Variants in TENM1 observed in about 807,000 individuals in gnomAD.
TENM1 encodes teneurin-1.
A neutral mutation model predicts 174.8 loss-of-function variants in TENM1; 35 were observed. The observed-to-expected ratio is 0.20, with a 90% CI of 0.15 to 0.27. The LOEUF is 0.27. Ranked by LOEUF, TENM1 falls within the 10% of genes least tolerant of loss-of-function variation. The probability of loss-of-function intolerance (pLI) is 1.00; values close to 1 mark genes in which losing one functional copy is unlikely to be tolerated. For synonymous variants in TENM1, 781 were observed against 798.7 expected (o/e 0.98, Z 0.37); for missense variants, 1,633 against 2,130.1 (o/e 0.77, Z 4.59).
intron 5 of TENM1, among the ~76,000 whole-genome samples, chrX:124,676,864 C>CAAAAAAAAAA (rs57417124): frequency 1.8e-5 from 1 of 57,117 alleles, no homozygotes. Flanking sequence ...CTCATTGACT[C>CAAAAAAAAAA]AAAAAAAAAA....
intron 1 of TENM1, among the ~76,000 whole-genome samples, chrX:124,931,408 T>C (rs1282961962): frequency 9.0e-6 from 1 of 110,918 alleles, no homozygotes; most frequent in African/African-American, 3.3e-5. Flanking sequence ...AAAAGAGAGT[T>C]ACCTGGGGAG....
chrX:124,569,420 T>C (rs2049009625), intron 11 of TENM1, among the ~76,000 whole-genome samples: 1 of 111,926 alleles, frequency 8.9e-6, no homozygotes, highest in Non-Finnish European at 1.9e-5. Flanking sequence ...AATTGATACA[T>C]ACAAAACACT....
At chrX:124,514,926 G>A (rs1203180368) in intron 18 of TENM1, among the ~76,000 whole-genome samples, 1 of 110,180 alleles carries the variant, frequency 9.1e-6, no homozygotes, top group Non-Finnish European at 1.9e-5. Context: ...TATCCCTGAT[G>A]AATATTGATG....
chrX:125,024,202 A>C, the TENM1 span, among the ~76,000 whole-genome samples: 3 of 111,355 alleles, frequency 2.7e-5, no homozygotes, highest in African/African-American at 9.8e-5. Context: ...TCAATCAAGC[A>C]ACCCACCACT....
At chrX:124,802,928 A>G (rs1266020552) in intron 3 of TENM1, among the ~76,000 whole-genome samples, 2 of 112,370 alleles carry the variant, frequency 1.8e-5, no homozygotes, top group Non-Finnish European at 3.8e-5. Context: ...AGAGTTTGCT[A>G]ATAGATATCA....
At chrX:124,538,821 A>T in intron 15 of TENM1, among the ~76,000 whole-genome samples, 1 of 112,286 alleles carries the variant, frequency 8.9e-6, no homozygotes, top group Middle Eastern at 4.6e-3. Flanking sequence ...ATAGCACTAT[A>T]TTTCCTTTTA....
intron 1 of TENM1, among the ~76,000 whole-genome samples, chrX:124,911,489 T>G (rs2057836234): frequency 8.9e-6 from 1 of 112,079 alleles, no homozygotes; most frequent in Non-Finnish European, 1.9e-5. Context: ...GGACTCACTC[T>G]GCCTGAAAGA....
At chrX:124,445,253 G>A (rs1393975536) in intron 23 of TENM1, among the ~76,000 whole-genome samples, 1 of 111,631 alleles carries the variant, frequency 9.0e-6, no homozygotes, top group Non-Finnish European at 1.9e-5. Flanking sequence ...AAGTCAAAGG[G>A]ATCCAAGAAG....
At chrX:124,795,330 T>G (rs2055278893) in intron 3 of TENM1, among the ~76,000 whole-genome samples, 1 of 112,346 alleles carries the variant, frequency 8.9e-6, no homozygotes, top group Non-Finnish European at 1.9e-5. Flanking sequence ...CAATACTTGT[T>G]GAATGCATGA....
At chrX:124,489,910 G>C (rs905401605) in intron 20 of TENM1, among the ~76,000 whole-genome samples, 3 of 111,330 alleles carry the variant, frequency 2.7e-5, no homozygotes, top group African/African-American at 6.5e-5. Flanking sequence ...GCACACTCCT[G>C]ACTGTCACTG....
chrX:124,847,165 G>A (rs1196561091), intron 3 of TENM1, among the ~76,000 whole-genome samples: 2 of 111,003 alleles, frequency 1.8e-5, no homozygotes, highest in African/African-American at 6.5e-5. Context: ...ATGCTAGTAT[G>A]TACTCTCAGT....
chrX:124,988,803 T>C, the TENM1 span, among the ~76,000 whole-genome samples: 17 of 111,618 alleles, frequency 1.5e-4, no homozygotes, highest in Admixed American at 1.3e-3. Context: ...AAATATTATA[T>C]GATCACCTCA....
At chrX:124,556,808 G>A (rs1029461613) in intron 14 of TENM1, among the ~76,000 whole-genome samples, 1 of 111,391 alleles carries the variant, frequency 9.0e-6, no homozygotes, top group Non-Finnish European at 1.9e-5. Flanking sequence ...TAGAAGTAAA[G>A]TTTATATTTT....
intron 14 of TENM1, among the ~76,000 whole-genome samples, chrX:124,553,869 C>G (rs1450651447): frequency 2.7e-5 from 3 of 111,643 alleles, no homozygotes; most frequent in Non-Finnish European, 3.8e-5. Flanking sequence ...CTTTGGGAGG[C>G]CGAGGCAGGC....
chrX:124,458,947 C>T (rs552483215), intron 22 of TENM1, among the ~76,000 whole-genome samples: 5 of 112,252 alleles, frequency 4.5e-5, no homozygotes, highest in African/African-American at 1.6e-4. Context: ...GCACCCTCTG[C>T]GTGTGAGCAC....
intron 22 of TENM1, among the ~76,000 whole-genome samples, chrX:124,460,619 A>T (rs1362229752): frequency 9.1e-6 from 1 of 110,189 alleles, no homozygotes; most frequent in Non-Finnish European, 1.9e-5. Context: ...AGAAAAAACA[A>T]CTAATGGATA....
At chrX:125,101,574 A>C in the TENM1 span, among the ~76,000 whole-genome samples, 3 of 111,556 alleles carry the variant, frequency 2.7e-5, no homozygotes, top group Admixed American at 9.5e-5. Flanking sequence ...ATTTTAGTGA[A>C]GGTTGGACAT....
At chrX:124,666,741 A>G (rs1431700951) in intron 6 of TENM1, among the ~76,000 whole-genome samples, 1 of 111,462 alleles carries the variant, frequency 9.0e-6, no homozygotes, top group Non-Finnish European at 1.9e-5. Flanking sequence ...TGAGATTAGA[A>G]CTGTCTGTTT....
At chrX:124,481,945 A>G in exon 22 of TENM1, 1 of 1,178,857 alleles carries the variant, frequency 8.5e-7, no homozygotes, top group Non-Finnish European at 1.1e-6. Context: ...GCCAGATAGT[A>G]TTTGTGAGCA....
Sources: gnomAD v4.1 joint callset for allele counts (sites outside exome capture counted in the v4.1 genomes callset) on GRCh38, gnomAD v4.1.1 for gene constraint, MANE v1.5 for transcripts, NCBI Gene and HGNC (gene_info 2026-07-23, HGNC 2026-07-21) for gene names.